DAB1: variants seen among roughly 807,000 people sequenced by gnomAD.
The protein encoded by DAB1 is DAB adaptor protein 1, also known as disabled homolog 1.
A neutral mutation model predicts 64.6 loss-of-function variants in DAB1; 15 were observed. The observed-to-expected ratio is 0.23, with a 90% confidence interval of 0.16 to 0.36. The LOEUF is 0.36. Ranked by LOEUF, DAB1 falls within the 10% of genes least tolerant of loss-of-function variation. DAB1 has a pLI of 1.00. For missense variants in DAB1, 596 were observed against 706.7 expected, an observed-to-expected ratio of 0.84 and a Z score of 1.78; for synonymous variants, 235 against 251.9, an observed-to-expected ratio of 0.93 and a Z score of 0.64.
At chr1:57,644,255 G>T (rs1301991737) in intron 7 of DAB1, among the ~76,000 whole-genome samples, 1 of 152,184 alleles carries the variant, frequency 6.6e-6, no homozygotes. Flanking sequence ...AATGGGTGAG[G>T]TCTGTGGCGA....
intron 5 of DAB1, among the ~76,000 whole-genome samples, chr1:57,890,023 C>T (rs1644287669): frequency 1.3e-5 from 2 of 151,468 alleles, no homozygotes; most frequent in East Asian, 1.9e-4. Flanking sequence ...ACACAGAATA[C>T]AAGAAAGAAG....
Position 58,390,978 on chromosome 1 carries a change from C to T in DAB1, n.258-47575G>A, listed in dbSNP as rs993283070. 7.9e-5 allele frequency among the ~76,000 whole-genome samples: 12 copies of T among 152,188 alleles called. No individual in the cohort carries two copies. The East Asian group carries it at 1.2e-3, about 15-fold the overall frequency. ...TTCCTCTCCCCATATGTTATAATAA[C>T]GCATTCGTCATCTGAAAATTATCCT... is the stretch of plus-strand genomic sequence containing the variant. On this transcript the variant is annotated intron_variant and non_coding_transcript_variant, in intron 3 of 20. Coordinates refer to the DAB1 transcript ENST00000485760.
At chr1:57,566,115 A>G (rs2101520576) in intron 7 of DAB1, among the ~76,000 whole-genome samples, 1 of 152,354 alleles carries the variant, frequency 6.6e-6, no homozygotes, top group Middle Eastern at 3.4e-3. Flanking sequence ...CTCAGGATTA[A>G]GAAACTCACT....
rs140934910 is a variant in DAB1 at position 57,380,835 on chromosome 1, T to G, written c.-137+43095A>C. 6.0e-3 allele frequency among the ~76,000 whole-genome samples: 913 copies of G among 152,264 alleles called. 3 individuals carry two copies. Among genetic ancestry groups the G allele is most frequent in the Admixed American group, 8.0e-3 (122 of 15,288 alleles). ...ATGAACATACAATAAAAGGATATTC[T>G]CAACAGAAAGGCTGTGCCTAAGTCC... On this transcript the variant is annotated intron_variant, in intron 1 of 14. Coordinates refer to ENST00000371236, the MANE Select transcript of DAB1 (RefSeq NM_001365792.1).
Position 57,599,083 on chromosome 1 carries a change from G to A in DAB1, n.625+50509C>T, listed in dbSNP as rs566028143. Among the ~76,000 whole-genome samples the A allele has an allele frequency of 3.4e-5, 5 of 149,082 alleles. No individual in the cohort carries two copies. The South Asian group carries it at 1.1e-3, about 32-fold the overall frequency. On this transcript the variant is annotated intron_variant and non_coding_transcript_variant, in intron 7 of 20. Transcript: ENST00000485760. ...CCTTCTAAATTCTACCAGCCACCAA[G>A]ACCCACCATAGAATTCATACCTGCT...
intron 4 of DAB1, among the ~76,000 whole-genome samples, chr1:58,196,738 T>C (rs1031207873): frequency 6.6e-6 from 1 of 152,106 alleles, no homozygotes; most frequent in African/African-American, 2.4e-5. Context: ...TCAGATCTCA[T>C]GAGAACTCCC....
chr1:58,128,576 T>A (rs1653300158), intron 5 of DAB1, among the ~76,000 whole-genome samples: 1 of 131,868 alleles, frequency 7.6e-6, no homozygotes, highest in Non-Finnish European at 1.6e-5. Flanking sequence ...CCATTCAGTA[T>A]GATATTGGCT....
At chr1:57,343,500 G>A (rs1677816828) in intron 1 of DAB1, among the ~76,000 whole-genome samples, 1 of 152,220 alleles carries the variant, frequency 6.6e-6, no homozygotes, top group Non-Finnish European at 1.5e-5. Context: ...ATGGAGCAGG[G>A]GGCTGCGCTC....
intron 4 of DAB1, among the ~76,000 whole-genome samples, chr1:58,276,811 C>A (rs1661456492): frequency 6.6e-6 from 1 of 151,956 alleles, no homozygotes; most frequent in Non-Finnish European, 1.5e-5. Flanking sequence ...ACTGATTATG[C>A]ACATCATAAA....
At chr1:57,426,874 A>ATATATATATATT (rs57970737), upstream of DAB1, among the ~76,000 whole-genome samples, 20 of 149,180 alleles carry the variant, frequency 1.3e-4, no homozygotes, top group African/African-American at 4.9e-4. Flanking sequence ...ATATATATAT[A>ATATATATATATT]TTTTTTTGAG....
chr1:58,298,589 C>T (rs1202328205), intron 4 of DAB1, among the ~76,000 whole-genome samples: 3 of 152,230 alleles, frequency 2.0e-5, no homozygotes, highest in East Asian at 1.9e-4. Flanking sequence ...GCTGCAGGTG[C>T]GGCAGACATT....
intron 5 of DAB1, among the ~76,000 whole-genome samples, chr1:58,118,579 CAT>C (rs1409213834): frequency 6.9e-4 from 63 of 91,876 alleles, no homozygotes; most frequent in South Asian, 4.6e-3. Context: ...TATATATATA[CAT>C]ATATATATAA....
At chr1:57,204,864 G>C (rs2100294009) in intron 2 of DAB1, among the ~76,000 whole-genome samples, 1 of 152,268 alleles carries the variant, frequency 6.6e-6, no homozygotes, top group African/African-American at 2.4e-5. Context: ...AGGCCTAGAA[G>C]GCTTTGAAAA....
At position 57,812,319 on chromosome 1, in the gene DAB1, CAAAAAAAA is replaced by C. The variant is rs67005172; in HGVS notation, n.551+71672_551+71679del. 1.9e-3 allele frequency among the ~76,000 whole-genome samples: 195 copies of C among 101,202 alleles called. 1 individual carries two copies. The highest frequency in any genetic ancestry group is 6.9e-3 in the African/African-American group (187 of 27,028). 66.4% of individuals were successfully genotyped at this position (101,202 alleles called of 152,430 possible). A position where few individuals can be genotyped will look rare whatever the true frequency, so the allele number is the denominator to read the frequency against. On this transcript the variant is annotated intron_variant and non_coding_transcript_variant, in intron 6 of 20. Transcript: ENST00000485760. ...AAACACACAACCTGGGATTCATTGC[CAAAAAAAA>C]AAAAAAAAAAAGAAAGAAAGAAAGA... is the stretch of plus-strand genomic sequence containing the variant.
intron 2 of DAB1, among the ~76,000 whole-genome samples, chr1:57,154,795 T>C (rs1266008809): frequency 6.6e-6 from 1 of 152,230 alleles, no homozygotes; most frequent in African/African-American, 2.4e-5. Context: ...TGATGATCAA[T>C]GACATTGAGC....
At chr1:57,230,322 A>G (rs991051667) in intron 2 of DAB1, among the ~76,000 whole-genome samples, 3 of 147,320 alleles carry the variant, frequency 2.0e-5, no homozygotes, top group Non-Finnish European at 3.0e-5. Flanking sequence ...CCTTCAGAGA[A>G]AAAAAAAAAA....
chr1:57,000,891 A>G (rs926974170), intron 14 of DAB1, among the ~76,000 whole-genome samples: 10 of 152,352 alleles, frequency 6.6e-5, no homozygotes, highest in Admixed American at 3.3e-4. Context: ...CAGACAGGGT[A>G]ATTAATGCCA....
chr1:58,257,872 A>C (rs1447002939), intron 4 of DAB1, among the ~76,000 whole-genome samples: 1 of 152,174 alleles, frequency 6.6e-6, no homozygotes, highest in Non-Finnish European at 1.5e-5. Flanking sequence ...TAGGAATGTA[A>C]TTCAGCTTCT....
chr1:58,093,459 C>A (rs188848934), intron 5 of DAB1, among the ~76,000 whole-genome samples: 1 of 151,842 alleles, frequency 6.6e-6, no homozygotes, highest in Non-Finnish European at 1.5e-5. Context: ...AGATCTGTGG[C>A]GTTAGATTCT....
Sources: gnomAD v4.1 joint callset for allele counts (sites outside exome capture counted in the v4.1 genomes callset) on GRCh38, gnomAD v4.1.1 for gene constraint, MANE v1.5 for transcripts, NCBI Gene and HGNC (gene_info 2026-07-23, HGNC 2026-07-21) for gene names.